MAPK10: variants seen among roughly 807,000 people sequenced by gnomAD.
MAPK10 encodes JNK3 alpha protein kinase.
A neutral mutation model predicts 59.3 loss-of-function variants in MAPK10; 25 were observed. That is an observed-to-expected ratio of 0.42 (90% CI 0.31 to 0.59). The LOEUF (loss-of-function observed/expected upper bound fraction) is 0.59. Ranked by LOEUF, MAPK10 falls within the 20% of genes least tolerant of loss-of-function variation. The pLI is 0.15. For synonymous variants in MAPK10, 190 were observed against 200.5 expected (o/e 0.95, Z 0.44); for missense variants, 351 against 568.9 (o/e 0.62, Z 3.90).
At chr4:86,452,498 A>G (rs1373762669) in intron 1 of MAPK10, among the ~76,000 whole-genome samples, 1 of 152,100 alleles carries the variant, frequency 6.6e-6, no homozygotes, top group African/African-American at 2.4e-5. Context: ...TCTCTTCCAC[A>G]CACACAAACA....
Position 86,437,368 on chromosome 4 carries a change from G to A in MAPK10, c.-122+15662C>T, listed in dbSNP as rs957252938. On this transcript the variant is annotated intron_variant, in intron 1 of 13. Transcript: ENST00000361569. ...TCAAATGCTTTTTTTCTTCTATTTA[G>A]ATAACTAAATGATTTTTCTCTTGTA... Among the ~76,000 whole-genome samples, 27 of 151,758 alleles carry A rather than the reference G, an allele frequency of 1.8e-4. 1 individual carries two copies.
chr4:86,267,664 T>A (rs114305397), intron 2 of MAPK10, among the ~76,000 whole-genome samples: 2 of 152,190 alleles, frequency 1.3e-5, no homozygotes, highest in South Asian at 2.1e-4. Context: ...CACACACCCG[T>A]TTCATGATTT....
At chr4:86,076,265 G>T (rs376832926) in intron 9 of MAPK10, among the ~76,000 whole-genome samples, 1 of 152,058 alleles carries the variant, frequency 6.6e-6, no homozygotes. Context: ...CGCACGGTGC[G>T]CGCACCCACT....
chr4:86,312,829 T>C (rs915461665), intron 2 of MAPK10, among the ~76,000 whole-genome samples: 2 of 152,088 alleles, frequency 1.3e-5, no homozygotes, highest in East Asian at 3.9e-4. Flanking sequence ...GGAGAAACAG[T>C]ATTGGATTGT....
chr4:86,224,635 G>A (rs564508070), intron 2 of MAPK10, among the ~76,000 whole-genome samples: 1 of 152,120 alleles, frequency 6.6e-6, no homozygotes, highest in Non-Finnish European at 1.5e-5. Flanking sequence ...ATATATTGAC[G>A]ATCAAACACC....
intron 1 of MAPK10, among the ~76,000 whole-genome samples, chr4:86,559,346 G>T (rs571102548): frequency 1.0e-3 from 159 of 151,778 alleles, no homozygotes; most frequent in African/African-American, 3.6e-3. Flanking sequence ...TTGTCTAGGT[G>T]AAGATGCTAT....
chr4:86,144,274 G>T (rs1011985855), intron 4 of MAPK10, among the ~76,000 whole-genome samples: 2 of 152,130 alleles, frequency 1.3e-5, no homozygotes, highest in East Asian at 3.9e-4. Flanking sequence ...TTTTTAAATA[G>T]AAATTTTACA....
At chr4:86,298,350 A>G (rs1371115046) in intron 2 of MAPK10, among the ~76,000 whole-genome samples, 1 of 152,208 alleles carries the variant, frequency 6.6e-6, no homozygotes, top group Non-Finnish European at 1.5e-5. Context: ...TATATATAAG[A>G]ATGATACTCA....
chr4:86,411,590 T>G (rs1745178504), intron 1 of MAPK10, among the ~76,000 whole-genome samples: 1 of 152,146 alleles, frequency 6.6e-6, no homozygotes, highest in Admixed American at 6.6e-5. Flanking sequence ...GCTCCTGTAT[T>G]GGTGCATATA....
At chr4:86,029,998 C>A (rs2038608253) in intron 12 of MAPK10, among the ~76,000 whole-genome samples, 1 of 152,106 alleles carries the variant, frequency 6.6e-6, no homozygotes, top group Non-Finnish European at 1.5e-5. Context: ...ATCATTCCGC[C>A]CTACTCATTC....
chr4:86,347,448 G>T (rs1329069008), intron 2 of MAPK10, among the ~76,000 whole-genome samples: 1 of 152,000 alleles, frequency 6.6e-6, no homozygotes, highest in African/African-American at 2.4e-5. Context: ...AAATTACTTG[G>T]GAACTCTCAA....
intron 2 of MAPK10, among the ~76,000 whole-genome samples, chr4:86,240,030 A>G (rs532808872): frequency 6.6e-6 from 1 of 152,286 alleles, no homozygotes; most frequent in Admixed American, 6.5e-5. Flanking sequence ...TGTGCCCCAG[A>G]GACTCTGGTA....
intron 2 of MAPK10, among the ~76,000 whole-genome samples, chr4:86,221,148 G>C (rs116803455): frequency 0.03 from 4,598 of 152,270 alleles, 94 homozygotes; most frequent in South Asian, 0.041. Context: ...TTAAAATTCA[G>C]TGTGAAGCTA....
At chr4:86,466,589 A>G (rs1037118428) in intron 1 of MAPK10, among the ~76,000 whole-genome samples, 4 of 152,242 alleles carry the variant, frequency 2.6e-5, no homozygotes, top group Admixed American at 2.6e-4. Flanking sequence ...TAATAAAATT[A>G]GATCTCTATC....
At chr4:86,361,624 T>C (rs1736976573), upstream of MAPK10, among the ~76,000 whole-genome samples, 1 of 151,944 alleles carries the variant, frequency 6.6e-6, no homozygotes, top group Non-Finnish European at 1.5e-5. Context: ...CATCAACAGA[T>C]GAATGTATAT....
intron 3 of MAPK10, among the ~76,000 whole-genome samples, chr4:86,180,953 TTTATA>T (rs2076807535): frequency 6.6e-6 from 1 of 152,000 alleles, no homozygotes; most frequent in Admixed American, 6.6e-5. Context: ...GTGACTATAG[TTTATA>T]TTATAAATTT....
chr4:86,299,410 T>C (rs2095427744), intron 2 of MAPK10, among the ~76,000 whole-genome samples: 1 of 152,168 alleles, frequency 6.6e-6, no homozygotes, highest in Non-Finnish European at 1.5e-5. Context: ...TCTTCATAAA[T>C]GGGAATTAAT....
intron 1 of MAPK10, among the ~76,000 whole-genome samples, chr4:86,412,949 C>A (rs12511135): frequency 0.18 from 26,782 of 152,132 alleles, 2,488 homozygotes; most frequent in South Asian, 0.28. Flanking sequence ...CCCTTGCTGG[C>A]AAGGAGCTGC....
chr4:86,042,387 C>T lies in MAPK10; in HGVS notation c.1111-10956G>A, dbSNP rs563916804. On this transcript the variant is annotated intron_variant, in intron 11 of 13. Transcript: ENST00000641462. ...ACCTAATGCATGCTGGGCTTAAAACCTAGAAGCTGGGTTGATAGGTGCAGC... is the reference window on the plus strand; with the variant it reads ...ACCTAATGCATGCTGGGCTTAAAACTTAGAAGCTGGGTTGATAGGTGCAGC... 3.9e-5 allele frequency among the ~76,000 whole-genome samples: 6 copies of T among 152,150 alleles called. No homozygotes were observed. In the South Asian group the frequency reaches 1.2e-3, roughly 32 times the overall value.
Sources: gnomAD v4.1 joint callset for allele counts (sites outside exome capture counted in the v4.1 genomes callset) on GRCh38, gnomAD v4.1.1 for gene constraint, MANE v1.5 for transcripts, NCBI Gene and HGNC (gene_info 2026-07-23, HGNC 2026-07-21) for gene names.